The following RALGAPA1 variants were observed in gnomAD, a reference collection of about 807,000 sequenced individuals.
The protein encoded by RALGAPA1 is Ral GTPase activating protein catalytic subunit alpha 1.
In RALGAPA1, 52 loss-of-function variants were observed where a neutral mutation model predicts 269.6. The observed-to-expected ratio is 0.19, with a 90% CI of 0.15 to 0.24. RALGAPA1 has a LOEUF of 0.24. Ranked by LOEUF, RALGAPA1 falls within the 10% of genes least tolerant of loss-of-function variation. The pLI is 1.00. For missense variants in RALGAPA1, 1,917 were observed against 3,013.9 expected (o/e 0.64, Z 8.52); for synonymous variants, 817 against 1,008.3 (o/e 0.81, Z 3.60).
intron 16 of RALGAPA1, chr14:35,707,580 T>C (rs2067917896): frequency 1.3e-5 from 2 of 152,198 alleles, no homozygotes; most frequent in Non-Finnish European, 2.9e-5. Flanking sequence ...TTTTCTTCAT[T>C]AGCCTGTGGA....
chr14:35,644,467 T>C (rs538283674), intron 31 of RALGAPA1, among the ~76,000 whole-genome samples: 2 of 152,262 alleles, frequency 1.3e-5, no homozygotes, highest in African/African-American at 4.8e-5. Flanking sequence ...AAGGTAATTA[T>C]ATAACCATAC....
chr14:35,624,116 A>G (rs1043028234), intron 35 of RALGAPA1, among the ~76,000 whole-genome samples: 11 of 144,916 alleles, frequency 7.6e-5, no homozygotes, highest in African/African-American at 2.8e-4. Flanking sequence ...TTTGAAGAGT[A>G]TCTAAATGAC....
intron 28 of RALGAPA1, among the ~76,000 whole-genome samples, chr14:35,658,460 A>G (rs767583290): frequency 9.2e-5 from 14 of 152,162 alleles, no homozygotes; most frequent in Non-Finnish European, 1.6e-4. Flanking sequence ...GAGTAGTAGC[A>G]CAGACCAATA....
rs1230099564 is a variant in RALGAPA1, at chr14:35,673,003, T to G, written c.4937A>C (p.Lys1646Thr). 2.0e-6 allele frequency: 3 copies of G among 1,517,964 alleles called. No homozygotes were observed. The South Asian group carries it at 3.8e-5, about 19-fold the overall frequency. 94.0% of individuals were successfully genotyped at this position (1,517,964 alleles called of 1,614,324 possible). ...WLFKATMLTD[K>T]YKQGKLHAYK... ...TGCATGTAATTTACCTTGTTTATAT[T>G]TATCAGTCAACATGGTTGCCTAAAA... is the stretch of plus-strand genomic sequence containing the variant. Residue 1646 changes from lysine to threonine, a missense_variant, in exon 25 of 42, where the codon AAA (lysine) becomes ACA (threonine). Lys to Thr is a moderately conservative substitution (Grantham distance 78, BLOSUM62 -1). Around this residue, in one of 11 missense-constraint regions of RALGAPA1, gnomAD observed 73 missense variants for 190.6 expected, o/e 0.38. Transcript: ENST00000680220.
At chr14:35,795,580 A>G (rs1183528740) in intron 1 of RALGAPA1, among the ~76,000 whole-genome samples, 2 of 152,164 alleles carry the variant, frequency 1.3e-5, no homozygotes, top group Non-Finnish European at 2.9e-5. Context: ...ACTAGACAAT[A>G]ATTAACCCTA....
At chr14:35,740,732 C>T (rs1201021279) in intron 11 of RALGAPA1, among the ~76,000 whole-genome samples, 1 of 152,108 alleles carries the variant, frequency 6.6e-6, no homozygotes, top group South Asian at 2.1e-4. Flanking sequence ...GGCTTGAACC[C>T]GGGAGGTGGA....
In RALGAPA1 at chr14:35,760,895, G is replaced by A; in HGVS notation, c.481C>T (p.Pro161Ser). 1.2e-6 allele frequency: 2 copies of A among 1,611,508 alleles called. No individual in the cohort carries two copies. The highest frequency in any genetic ancestry group is 1.7e-6 in the Non-Finnish European group (2 of 1,178,024). Reference protein sequence around the residue: ...FSCLIPGFSAPQSEHGPRTLD... With the variant: ...FSCLIPGFSASQSEHGPRTLD... ...GTTCGAGGTCCATGTTCAGACTGTG[G>A]TGCTGAAAATCCAGGGATTAAGCAT... The change falls in exon 6 of 42, where the codon CCA becomes TCA. Residue 161 changes from proline to serine, a missense_variant. Physicochemically the swap from Pro to Ser is moderately conservative, Grantham distance 74. Transcript: ENST00000680220.
At chr14:35,773,418 T>C (rs2074786859) in intron 3 of RALGAPA1, among the ~76,000 whole-genome samples, 1 of 152,104 alleles carries the variant, frequency 6.6e-6, no homozygotes, top group Non-Finnish European at 1.5e-5. Context: ...ATCTTTTTTC[T>C]AATAAAATTT....
At chr14:35,616,450 T>C (rs972894769) in intron 35 of RALGAPA1, among the ~76,000 whole-genome samples, 1 of 152,150 alleles carries the variant, frequency 6.6e-6, no homozygotes, top group East Asian at 1.9e-4. Context: ...ATATTTAATA[T>C]AGGGGATTTA....
intron 13 of RALGAPA1, among the ~76,000 whole-genome samples, chr14:35,725,371 C>T: frequency 6.6e-6 from 1 of 152,264 alleles, no homozygotes; most frequent in Middle Eastern, 3.4e-3. Context: ...ACAATATCCT[C>T]TCATCAAATA....
At chr14:35,617,183 G>A (rs1375887784) in intron 35 of RALGAPA1, among the ~76,000 whole-genome samples, 2 of 152,132 alleles carry the variant, frequency 1.3e-5, no homozygotes, top group African/African-American at 2.4e-5. Context: ...TGAGACTTCA[G>A]GAGTGGACAG....
In RALGAPA1 at chr14:35,685,164, T is replaced by A; in HGVS notation, c.4078-19A>T. 1 of 1,542,516 alleles carries A rather than the reference T, an allele frequency of 6.5e-7. No homozygotes were observed. Reference sequence around the variant, plus strand: ...TCATAGTCTAAACGTTCAAGAAATATTTTACCATTAAGAAAAAGCTTTTAT... The same window carrying A: ...TCATAGTCTAAACGTTCAAGAAATAATTTACCATTAAGAAAAAGCTTTTAT... On this transcript the variant is annotated intron_variant, in intron 19 of 41. Transcript: ENST00000680220.
intron 35 of RALGAPA1, among the ~76,000 whole-genome samples, chr14:35,617,637 T>TGGGGGGGGGG (rs1221537442): frequency 8.2e-4 from 4 of 4,874 alleles, no homozygotes; most frequent in African/African-American, 1.2e-3. Context: ...GTGTGTGGGG[T>TGGGGGGGGGG]GGGGGGGGGG....
At chr14:35,801,062 T>TA (rs34303502) in intron 1 of RALGAPA1, among the ~76,000 whole-genome samples, 278 of 114,188 alleles carry the variant, frequency 2.4e-3, no homozygotes, top group East Asian at 4.4e-3. Flanking sequence ...AGACATCAAT[T>TA]AAAAAAAAAA....
intron 27 of RALGAPA1, among the ~76,000 whole-genome samples, chr14:35,662,965 C>A (rs2063646544): frequency 6.6e-6 from 1 of 151,742 alleles, no homozygotes; most frequent in African/African-American, 2.4e-5. Flanking sequence ...AGGTCTTGCT[C>A]TGTCACGCAG....
At chr14:35,722,791 A>G (rs886765056) in intron 15 of RALGAPA1, among the ~76,000 whole-genome samples, 1 of 152,224 alleles carries the variant, frequency 6.6e-6, no homozygotes, top group African/African-American at 2.4e-5. Flanking sequence ...AATTTTTAAA[A>G]TAATTATTGT....
intron 10 of RALGAPA1, among the ~76,000 whole-genome samples, chr14:35,746,984 A>AT (rs1207964791): frequency 2.6e-5 from 4 of 151,956 alleles, no homozygotes; most frequent in Non-Finnish European, 5.9e-5. Context: ...AAGAATCATC[A>AT]TTAAAAAAAA....
chr14:35,656,510 A>G (rs1274064113), intron 28 of RALGAPA1, among the ~76,000 whole-genome samples: 2 of 152,128 alleles, frequency 1.3e-5, no homozygotes, highest in Non-Finnish European at 2.9e-5. Context: ...GCTTGAAGAG[A>G]GTTATTTTAT....
At chr14:35,758,929 A>C (rs2073439317) in intron 6 of RALGAPA1, among the ~76,000 whole-genome samples, 1 of 152,176 alleles carries the variant, frequency 6.6e-6, no homozygotes, top group Non-Finnish European at 1.5e-5. Flanking sequence ...GCCAGGCAAC[A>C]TAGCAAGACC....
Sources: gnomAD v4.1 joint callset for allele counts (sites outside exome capture counted in the v4.1 genomes callset) on GRCh38, gnomAD v4.1.1 for gene constraint, gnomAD v4.1.1 regional missense constraint, MANE v1.5 for transcripts, NCBI Gene and HGNC (gene_info 2026-07-23, HGNC 2026-07-21) for gene names.